Variants in PERM1 observed in about 807,000 individuals in gnomAD.
PERM1 encodes PGC-1 and ERR-induced regulator in muscle protein 1.
In PERM1, 45 loss-of-function variants were observed where a neutral mutation model predicts 44.1. The ratio of observed to expected loss-of-function variants is 1.02; its 90% confidence interval spans 0.80 to 1.31. The LOEUF (loss-of-function observed/expected upper bound fraction) is 1.31. Ranked by LOEUF, PERM1 falls within the 50% of genes most tolerant of loss-of-function variation. The probability of loss-of-function intolerance (pLI) is 0.00; values close to 1 mark genes in which losing one functional copy is unlikely to be tolerated. For missense variants in PERM1, 1,189 were observed against 1,106.9 expected, an observed-to-expected ratio of 1.07 and a Z score of -1.05; for synonymous variants, 565 against 477.1, an observed-to-expected ratio of 1.18 and a Z score of -2.40.
chr1:980,500 G>C, exon 1 of PERM1: 1 of 1,499,978 alleles, frequency 6.7e-7, no homozygotes, highest in East Asian at 2.5e-5. Context: ...GGGGCTCCGT[G>C]GTGGGGCTCC....
chr1:976,177 A>G, exon 3 of PERM1: 1 of 1,546,370 alleles, frequency 6.5e-7, no homozygotes, highest in Non-Finnish European at 8.7e-7. Flanking sequence ...GGCTCCTAGG[A>G]GCTGGGGCTG....
chr1:978,801 T>TGCGGCCCCC (rs1350345588), intron 1 of PERM1, 80 bp downstream of exon 2: 5 of 1,322,666 alleles, frequency 3.8e-6, no homozygotes, highest in Non-Finnish European at 5.0e-6. Context: ...GCCCGGCCCC[T>TGCGGCCCCC]GCGGCCCCCT....
At chr1:975,258 G>A (rs1337343394) in exon 3 of PERM1, 2 of 152,464 alleles carry the variant, frequency 1.3e-5, no homozygotes, top group East Asian at 1.9e-4. Context: ...TCAGCAGCCA[G>A]GGTCTCCCAC....
chr1:978,892 A>C (rs1557658505), exon 1 of PERM1: 1 of 1,491,150 alleles, frequency 6.7e-7, no homozygotes. Context: ...TGCCCGTCTA[A>C]GAGCCAGGTG....
chr1:976,083 G>C (rs1216918561), exon 3 of PERM1: 1 of 1,319,448 alleles, frequency 7.6e-7, no homozygotes, highest in Non-Finnish European at 1.0e-6. Flanking sequence ...AGAGGGGTCA[G>C]AGGGCCCGGG....
exon 1 of PERM1, chr1:980,357 G>T (rs1240576878): frequency 4.5e-6 from 7 of 1,550,046 alleles, no homozygotes; most frequent in Non-Finnish European, 6.1e-6. Context: ...AACTCCTCCT[G>T]CCCGGCTTTG....
exon 1 of PERM1, chr1:980,403 G>C: frequency 6.5e-7 from 1 of 1,549,882 alleles, no homozygotes; most frequent in African/African-American, 1.4e-5. Context: ...TGGCCGCAGG[G>C]AGCAGCGGGG....
exon 1 of PERM1, chr1:979,733 C>T: frequency 6.5e-7 from 1 of 1,550,314 alleles, no homozygotes; most frequent in Non-Finnish European, 8.7e-7. Flanking sequence ...GGCACAGCCT[C>T]CGAGACAGGT....
exon 1 of PERM1, chr1:979,316 G>C: frequency 6.5e-7 from 1 of 1,536,822 alleles, no homozygotes; most frequent in African/African-American, 1.4e-5. Context: ...CTGCTCCCGG[G>C]CCCGACCCTC....
rs1017592319 is a variant in PERM1 at position 979,512 on chromosome 1, G to A, written c.1518C>T (p.Phe506=). The A allele has an allele frequency of 1.7e-5, 27 of 1,549,836 alleles. No individual in the cohort carries two copies. The African/African-American group carries it at 3.6e-4, about 20-fold the overall frequency. ...TATTGGGGCTGGGCCCAGCCACGGA[G>A]AAGCGCACTTTCTTCTTCCTGGGGA... is the stretch of plus-strand genomic sequence containing the variant. The change falls in exon 1 of 3, where the codon TTC becomes TTT. Residue 506 remains phenylalanine, a synonymous_variant. Coordinates refer to ENST00000433179, the Ensembl canonical transcript of PERM1.
chr1:980,664 G>A, exon 1 of PERM1: 1 of 1,431,504 alleles, frequency 7.0e-7, no homozygotes, highest in Non-Finnish European at 9.1e-7. Flanking sequence ...AGAACTGGCT[G>A]GGAGGGCTGG....
chr1:976,720 C>G, intron 1 of PERM1, 96 bp from the exon 3 acceptor site: 1 of 1,409,082 alleles, frequency 7.1e-7, no homozygotes, highest in Non-Finnish European at 9.5e-7. Flanking sequence ...CCCCACCAAC[C>G]CCGGGAACCG....
upstream of PERM1, chr1:981,913 T>G: frequency 2.8e-6 from 1 of 362,336 alleles, no homozygotes; most frequent in Non-Finnish European, 3.8e-6. Flanking sequence ...GGAAGTCACT[T>G]TGGTGGGGAC....
At chr1:978,078 G>A (rs565422006) in intron 1 of PERM1, among the ~76,000 whole-genome samples, 12 of 32,538 alleles carry the variant, frequency 3.7e-4, no homozygotes, top group South Asian at 1.5e-3. Context: ...TGCCTGCCCC[G>A]GGAGCCGCTT....
chr1:976,256 G>C (rs535219403), exon 3 of PERM1: 1 of 1,525,102 alleles, frequency 6.6e-7, no homozygotes, highest in Non-Finnish European at 8.8e-7. Context: ...TGGTGCCGAC[G>C]TTGGCCAGCA....
At chr1:976,201 G>C (rs1481452717) in exon 3 of PERM1, 9 of 1,544,360 alleles carry the variant, frequency 5.8e-6, no homozygotes, top group Non-Finnish European at 7.9e-6. Context: ...CTGTGGCTGC[G>C]GCGCCCTTGC....
exon 1 of PERM1, chr1:979,383 C>T (rs1324059028): frequency 2.0e-6 from 3 of 1,506,730 alleles, no homozygotes; most frequent in Admixed American, 4.5e-5. Flanking sequence ...GCTGGTGGGG[C>T]CGGGGCCCGA....
intron 1 of PERM1, among the ~76,000 whole-genome samples, 183 bp downstream of exon 2, chr1:978,698 C>T (rs910849767): frequency 6.6e-6 from 1 of 152,230 alleles, no homozygotes; most frequent in African/African-American, 2.4e-5. Flanking sequence ...AACCCGGGTG[C>T]TTGGACTGGG....
At chr1:976,572 G>C in exon 2 of PERM1, 1 of 1,549,578 alleles carries the variant, frequency 6.5e-7, no homozygotes, top group South Asian at 1.2e-5. Context: ...CAAACACCAG[G>C]CACATGTCAT....
Sources: gnomAD v4.1 joint callset for allele counts (sites outside exome capture counted in the v4.1 genomes callset) on GRCh38, gnomAD v4.1.1 for gene constraint, MANE v1.5 for transcripts, NCBI Gene and HGNC (gene_info 2026-07-23, HGNC 2026-07-21) for gene names.